TADA3: variants seen among roughly 807,000 people sequenced by gnomAD.
TADA3 encodes transcriptional adaptor 3.
In TADA3, 25 loss-of-function variants were observed where a neutral mutation model predicts 43.2. The ratio of observed to expected loss-of-function variants is 0.58; its 90% CI spans 0.42 to 0.81. The LOEUF is 0.81. Ranked by LOEUF, TADA3 falls within the 30% of genes least tolerant of loss-of-function variation. TADA3 has a pLI of 0.00. For missense variants in TADA3, 441 were observed against 567.8 expected, an observed-to-expected ratio of 0.78 and a Z score of 2.27; for synonymous variants, 235 against 225.5, an observed-to-expected ratio of 1.04 and a Z score of -0.38.
Position 9,791,420 on chromosome 3 carries a change from G to A in TADA3, c.47C>T (p.Ser16Phe). Reference protein sequence around the residue: ...DCPLQFHDFKSVDHLKVCPRY... With the variant: ...DCPLQFHDFKFVDHLKVCPRY... ...GGGACAGACCTTCAGGTGATCCACA[G>A]ACTTGAAGTCGTGGAACTGCAAGGG... The change falls in exon 2 of 9, where the codon TCT becomes TTT. Residue 16 changes from serine (S) to phenylalanine (F), a missense_variant. Transcript: ENST00000301964. 4 of 1,614,008 alleles carry A rather than the reference G, an allele frequency of 2.5e-6. No individual in the cohort carries two copies. Among genetic ancestry groups the A allele is most frequent in the Non-Finnish European group, 3.4e-6 (4 of 1,179,866 alleles).
At chr3:9,786,920 A>G (rs1345926894) in intron 6 of TADA3, 86 bp downstream of exon 6, 17 of 1,282,110 alleles carry the variant, frequency 1.3e-5, no homozygotes, top group Non-Finnish European at 1.8e-5. Context: ...AACCTAATAA[A>G]TGTATGATAA....
At position 9,785,375 on chromosome 3, in the gene TADA3, C is replaced by T. The variant is rs61751574; in HGVS notation, c.861G>A (p.Gly287=). ...TTGCCCCGTCAGCCCCTGATTCTTT[C>T]CCAGACATGTCAGGAATAGGAGAAT... The part of the protein sequence containing the change: ...MEDSPIPDMS[G]KESGADGAST... The change falls in exon 7 of 9, where the codon GGG becomes GGA. Residue 287 remains glycine, a synonymous_variant. Transcript: ENST00000301964. 1.1e-3 allele frequency: 1,845 copies of T among 1,614,006 alleles called. 8 individuals carry two copies. In the Middle Eastern group the frequency reaches 0.019, roughly 17 times the overall value.
At position 9,785,429 on chromosome 3, in the gene TADA3, G is replaced by C; in HGVS notation, c.811-4C>G. 6.2e-7 allele frequency: 1 copy of C among 1,602,436 alleles called. No individual in the cohort carries two copies. Among genetic ancestry groups the C allele is most frequent in the South Asian group, 1.1e-5 (1 of 90,674 alleles). On this transcript the variant is annotated splice_region_variant and splice_polypyrimidine_tract_variant and intron_variant, in intron 6 of 8. Transcript: ENST00000301964. Reference sequence around the variant, plus strand: ...CCATAGGGGAAATAATATTTTCCTAGAAGACCACAAAAATGAGTGGAAGGA... The same window carrying C: ...CCATAGGGGAAATAATATTTTCCTACAAGACCACAAAAATGAGTGGAAGGA...
chr3:9,781,051 G>A (rs2078448110), intron 8 of TADA3, among the ~76,000 whole-genome samples: 1 of 152,018 alleles, frequency 6.6e-6, no homozygotes, highest in Admixed American at 6.6e-5. Flanking sequence ...GATTGCTTGA[G>A]GCCAGGAGTT....
At chr3:9,790,583 C>T (rs770536124) in intron 2 of TADA3, among the ~76,000 whole-genome samples, 1 of 152,196 alleles carries the variant, frequency 6.6e-6, no homozygotes, top group Non-Finnish European at 1.5e-5. Flanking sequence ...TTGCAGAATA[C>T]AGCATAGCGC....
At position 9,780,552 on chromosome 3, in the gene TADA3, G is replaced by A. The variant is rs565024553; in HGVS notation, c.1107-3C>T. On this transcript the variant is annotated splice_region_variant and splice_polypyrimidine_tract_variant and intron_variant, in intron 8 of 8. Coordinates refer to ENST00000301964, the MANE Select transcript of TADA3 (RefSeq NM_006354.5). ...GGCTCACCTCCTCCTTTGCCAGCCT[G>A]TGGGGACCAGCCAGCCAGGTGCCAG... is the stretch of plus-strand genomic sequence containing the variant. 9.4e-6 allele frequency: 15 copies of A among 1,599,750 alleles called. No homozygotes were observed. In the South Asian group the frequency reaches 9.9e-5, roughly 11 times the overall value.
In TADA3 at chr3:9,780,239, A is replaced by C; in HGVS notation, c.*118T>G. ...CTCAGGGGAAGGGCCACGGCCCTCT[A>C]GAGACTGCCGCCATTTGAGGGACAG... On this transcript the variant is annotated 3_prime_UTR_variant, in exon 9 of 9. Coordinates refer to ENST00000301964, the MANE Select transcript of TADA3 (RefSeq NM_006354.5). 1.8e-6 allele frequency: 2 copies of C among 1,130,158 alleles called. No homozygotes were observed. Among genetic ancestry groups the C allele is most frequent in the Non-Finnish European group, 2.5e-6 (2 of 799,738 alleles). The allele number at this position is 1,130,158 out of a possible 1,614,324, so 70.0% of individuals were successfully genotyped here.
At chr3:9,792,655 G>A (rs1305619719), upstream of TADA3, 2 of 1,231,440 alleles carry the variant, frequency 1.6e-6, no homozygotes, top group Non-Finnish European at 1.0e-6. Flanking sequence ...GGAGCTTGGC[G>A]GCCGAGATCT....
intron 8 of TADA3, chr3:9,783,788 A>T: frequency 1.5e-6 from 1 of 686,748 alleles, no homozygotes; most frequent in Non-Finnish European, 2.1e-6. Flanking sequence ...AAAAAAAAAC[A>T]AAACAAAAAC....
intron 8 of TADA3, among the ~76,000 whole-genome samples, chr3:9,782,737 G>A (rs1329064178): frequency 6.7e-6 from 1 of 148,890 alleles, no homozygotes; most frequent in African/African-American, 2.5e-5. Context: ...GTTGCAGTGA[G>A]CCGAGATCAT....
At position 9,787,159 on chromosome 3, in the gene TADA3, A is replaced by G. The variant is rs770512918; in HGVS notation, c.706+40T>C. ...GAGGTGGGCTGAAGTTCTGGAATTC[A>G]AGTCCTGACCTGGGGTTGGCAGGGA... On this transcript the variant is annotated intron_variant, in intron 5 of 8. Transcript: ENST00000301964. 7 of 1,614,188 alleles carry G rather than the reference A, an allele frequency of 4.3e-6. No individual in the cohort carries two copies. In the Admixed American group the frequency reaches 1.2e-4, roughly 27 times the overall value.
At chr3:9,789,064 G>A (rs972018950) in intron 4 of TADA3, among the ~76,000 whole-genome samples, 4 of 151,952 alleles carry the variant, frequency 2.6e-5, no homozygotes, top group African/African-American at 9.6e-5. Context: ...TCAAATTCCT[G>A]AGCTCAAGCA....
At chr3:9,783,837 C>T in intron 8 of TADA3, 191 bp downstream of exon 8, 2 of 1,040,950 alleles carry the variant, frequency 1.9e-6, no homozygotes, top group Non-Finnish European at 1.3e-6. Context: ...GCCTGAGCCC[C>T]ACTCTGTGGA....
chr3:9,790,520 A>G (rs1039312726), intron 2 of TADA3, among the ~76,000 whole-genome samples: 6 of 152,188 alleles, frequency 3.9e-5, no homozygotes, highest in African/African-American at 1.4e-4. Context: ...TTGTCTCTTC[A>G]ACTAGACCAT....
intron 4 of TADA3, among the ~76,000 whole-genome samples, chr3:9,788,656 C>T (rs1051234372): frequency 7.9e-5 from 12 of 151,746 alleles, no homozygotes; most frequent in African/African-American, 2.9e-4. Context: ...TTTCCTGGCT[C>T]AGCCTCCCGA....
At chr3:9,791,685 A>G (rs908007211) in intron 1 of TADA3, among the ~76,000 whole-genome samples, 192 bp from the exon 2 acceptor site, 1 of 152,124 alleles carries the variant, frequency 6.6e-6, no homozygotes, top group African/African-American at 2.4e-5. Flanking sequence ...AGTTTATCTC[A>G]CTGAATTTCT....
intron 4 of TADA3, 84 bp from the exon 5 acceptor site, chr3:9,787,424 A>G (rs756609860): frequency 6.6e-7 from 1 of 1,509,894 alleles, no homozygotes; most frequent in East Asian, 2.3e-5. Flanking sequence ...CCTATCTTAT[A>G]TCTCTCTCAA....
In TADA3 at chr3:9,792,363, C is replaced by A; in HGVS notation, c.-175G>T. 2.2e-6 allele frequency: 1 copy of A among 447,636 alleles called. No individual in the cohort carries two copies. 27.7% of individuals were successfully genotyped at this position (447,636 alleles called of 1,614,324 possible). A position where few individuals can be genotyped will look rare whatever the true frequency, so the allele number is the denominator to read the frequency against. On this transcript the variant is annotated 5_prime_UTR_variant, in exon 1 of 9. Coordinates refer to ENST00000301964, the MANE Select transcript of TADA3 (RefSeq NM_006354.5). ...TCAGAGTCCTCGTTCTCTAGGGACA[C>A]CCTAGTGCGACCCCCGCCCCCTCTA...
intron 2 of TADA3, among the ~76,000 whole-genome samples, chr3:9,790,704 C>CA (rs1013577194): frequency 2.6e-5 from 4 of 152,142 alleles, no homozygotes; most frequent in African/African-American, 9.7e-5. Context: ...TGAGTTTTTG[C>CA]AAAAAATTCT....
Sources: gnomAD v4.1 joint callset for allele counts (sites outside exome capture counted in the v4.1 genomes callset) on GRCh38, gnomAD v4.1.1 for gene constraint, MANE v1.5 for transcripts, NCBI Gene and HGNC (gene_info 2026-07-23, HGNC 2026-07-21) for gene names.